Variants in PPP1R9A observed in about 807,000 individuals in gnomAD.
PPP1R9A encodes the protein neurabin-1.
A neutral mutation model predicts 141.9 loss-of-function variants in PPP1R9A; 59 were observed. The observed-to-expected ratio is 0.42, with a 90% CI of 0.34 to 0.52. The LOEUF is 0.52. PPP1R9A is among the 20% of genes least tolerant of loss of function. PPP1R9A has a pLI of 0.10. For missense variants in PPP1R9A, 1,444 were observed against 1,611.9 expected, an observed-to-expected ratio of 0.90 and a Z score of 1.78; for synonymous variants, 500 against 569.7, an observed-to-expected ratio of 0.88 and a Z score of 1.74.
At chr7:95,108,315 T>TC (rs1190272392) in intron 2 of PPP1R9A, among the ~76,000 whole-genome samples, 1 of 122,610 alleles carries the variant, frequency 8.2e-6, no homozygotes, top group Non-Finnish European at 1.7e-5. Flanking sequence ...TTCTTTTTTT[T>TC]TTTTTTTTTT....
At chr7:94,980,322 G>A (rs1244527053) in intron 2 of PPP1R9A, among the ~76,000 whole-genome samples, 2 of 152,098 alleles carry the variant, frequency 1.3e-5, no homozygotes, top group African/African-American at 4.8e-5. Flanking sequence ...TCTAAGCAGT[G>A]CATTGGCACA....
At chr7:95,139,032 A>C (rs1239808110) in intron 4 of PPP1R9A, among the ~76,000 whole-genome samples, 1 of 152,240 alleles carries the variant, frequency 6.6e-6, no homozygotes, top group Non-Finnish European at 1.5e-5. Context: ...ATATGTCTAC[A>C]TAAAGTCTTG....
At chr7:95,212,409 C>G (rs1023152986) in intron 7 of PPP1R9A, among the ~76,000 whole-genome samples, 1 of 151,974 alleles carries the variant, frequency 6.6e-6, no homozygotes, top group Admixed American at 6.6e-5. Flanking sequence ...AGAAAGACCA[C>G]CATTAGATCA....
At chr7:95,155,636 G>A (rs540574608) in intron 4 of PPP1R9A, 2 of 152,224 alleles carry the variant, frequency 1.3e-5, no homozygotes, top group Admixed American at 6.5e-5. Flanking sequence ...AGTATAACAT[G>A]TTAAAATTCA....
At chr7:94,973,093 G>A (rs1799040600) in intron 2 of PPP1R9A, among the ~76,000 whole-genome samples, 1 of 152,184 alleles carries the variant, frequency 6.6e-6, no homozygotes, top group Non-Finnish European at 1.5e-5. Context: ...ACAATGCTGA[G>A]ATTTCACTTC....
intron 12 of PPP1R9A, among the ~76,000 whole-genome samples, chr7:95,259,295 T>G (rs941735847): frequency 6.6e-6 from 1 of 151,818 alleles, no homozygotes; most frequent in Admixed American, 6.6e-5. Context: ...GTCTTTTTTT[T>G]TTTCTTTCTT....
At chr7:95,273,850 CT>C in intron 14 of PPP1R9A, 48 bp from the exon 15 acceptor site, 1 of 1,416,800 alleles carries the variant, frequency 7.1e-7, no homozygotes, top group Non-Finnish European at 9.6e-7. Flanking sequence ...TGAATTGTGA[CT>C]TTAAAAATAA....
In PPP1R9A at chr7:94,976,978, A is replaced by T. The variant is rs184243533; in HGVS notation, c.1395+65470A>T. Among the ~76,000 whole-genome samples, 4 of 152,246 alleles carry T rather than the reference A, an allele frequency of 2.6e-5. No homozygotes were observed. The East Asian group carries it at 7.7e-4, about 29-fold the overall frequency. ...GTGTTGCGATATATTGGGAAGGTAG[A>T]TCCAACTTGGCTAACAGATTGGCTA... is the stretch of plus-strand genomic sequence containing the variant. On this transcript the variant is annotated intron_variant, in intron 2 of 19. Transcript: ENST00000433360.
intron 2 of PPP1R9A, among the ~76,000 whole-genome samples, chr7:95,051,173 T>TA (rs1031535847): frequency 6.6e-6 from 1 of 152,138 alleles, no homozygotes; most frequent in African/African-American, 2.4e-5. Context: ...TCTTTTTTTT[T>TA]ATTGATTCTT....
chr7:95,256,231 T>G (rs1799568957), intron 12 of PPP1R9A, among the ~76,000 whole-genome samples: 3 of 151,134 alleles, frequency 2.0e-5, no homozygotes. Context: ...TTAAATATCC[T>G]GTTAATATTA....
chr7:95,263,944 TAC>T (rs1800848804), intron 12 of PPP1R9A, among the ~76,000 whole-genome samples: 1 of 152,184 alleles, frequency 6.6e-6, no homozygotes, highest in Non-Finnish European at 1.5e-5. Context: ...TTCATAGCAA[TAC>T]AGTTATTATG....
intron 2 of PPP1R9A, among the ~76,000 whole-genome samples, chr7:94,941,468 A>G (rs1375492512): frequency 2.0e-5 from 3 of 152,158 alleles, no homozygotes; most frequent in African/African-American, 7.2e-5. Context: ...GGTATGATTC[A>G]TTGATAATTT....
chr7:94,957,295 G>A (rs1229978406), intron 2 of PPP1R9A, among the ~76,000 whole-genome samples: 1 of 152,128 alleles, frequency 6.6e-6, no homozygotes, highest in Non-Finnish European at 1.5e-5. Flanking sequence ...ATGCTTGACA[G>A]GGGTTAAAAC....
At chr7:95,103,528 C>T (rs979087294) in intron 2 of PPP1R9A, among the ~76,000 whole-genome samples, 2 of 151,900 alleles carry the variant, frequency 1.3e-5, no homozygotes, top group African/African-American at 4.8e-5. Context: ...CCATCACGCC[C>T]AGCTAATTTT....
intron 2 of PPP1R9A, among the ~76,000 whole-genome samples, chr7:95,083,629 C>G (rs1816224054): frequency 6.6e-6 from 1 of 151,966 alleles, no homozygotes; most frequent in Admixed American, 6.5e-5. Context: ...GCTTAGCTAA[C>G]TGCTAAGCTA....
At chr7:95,183,930 C>G (rs1177738110) in intron 5 of PPP1R9A, among the ~76,000 whole-genome samples, 1 of 151,490 alleles carries the variant, frequency 6.6e-6, no homozygotes, top group Admixed American at 6.6e-5. Flanking sequence ...GTGCAGTGGC[C>G]AGATCCAGCT....
intron 9 of PPP1R9A, among the ~76,000 whole-genome samples, chr7:95,249,695 G>C (rs1798609547): frequency 6.6e-6 from 1 of 151,948 alleles, no homozygotes; most frequent in Non-Finnish European, 1.5e-5. Context: ...AAAACATGTT[G>C]ACATTCGTTG....
In PPP1R9A at chr7:95,231,667, T is replaced by C. The variant is rs1260451236; in HGVS notation, c.2112+5551T>C. Among the ~76,000 whole-genome samples, 3 of 152,008 alleles carry C rather than the reference T, an allele frequency of 2.0e-5. No individual in the cohort carries two copies. The East Asian group carries it at 5.8e-4, about 29-fold the overall frequency. On this transcript the variant is annotated intron_variant, in intron 8 of 19. Coordinates refer to ENST00000433360, the MANE Select transcript of PPP1R9A (RefSeq NM_001166160.2). ...ATGATTGTTGGGTCAACAATCAAGA[T>C]GGAAATTTAAAAGTTATTCGAACTA...
chr7:95,002,155 C>G (rs937545972), intron 2 of PPP1R9A, among the ~76,000 whole-genome samples: 2 of 151,988 alleles, frequency 1.3e-5, no homozygotes, highest in Non-Finnish European at 2.9e-5. Context: ...TTACTAACCC[C>G]CAGTGATTAA....
Sources: allele counts gnomAD v4.1 joint callset (sites outside exome capture counted in the v4.1 genomes callset), GRCh38; gene constraint gnomAD v4.1.1; transcripts MANE v1.5; gene names NCBI Gene and HGNC (gene_info 2026-07-23, HGNC 2026-07-21).